The following AP3B2 variants were observed in gnomAD, a reference collection of about 807,000 sequenced individuals.
AP3B2 encodes the protein adaptor related protein complex 3 subunit beta 2, also known as AP-3 complex subunit beta-2.
A neutral mutation model predicts 126.9 loss-of-function variants in AP3B2; 50 were observed. The ratio of observed to expected loss-of-function variants is 0.39; its 90% confidence interval spans 0.31 to 0.50. AP3B2 has a LOEUF of 0.50. AP3B2 is among the 20% of genes least tolerant of loss of function. The probability of loss-of-function intolerance (pLI) is 0.79; values close to 1 mark genes in which losing one functional copy is unlikely to be tolerated. For synonymous variants in AP3B2, 541 were observed against 565.0 expected, an observed-to-expected ratio of 0.96 and a Z score of 0.60; for missense variants, 1,177 against 1,426.4, an observed-to-expected ratio of 0.83 and a Z score of 2.82.
intron 3 of AP3B2, 64 bp from the exon 4 acceptor site, chr15:82,688,895 C>T (rs1239651068): frequency 6.9e-7 from 1 of 1,439,956 alleles, no homozygotes; most frequent in East Asian, 2.4e-5. Context: ...ACCCCCCTAC[C>T]CCTGGGATGT....
At chr15:82,705,853 T>C (rs925152058) in intron 1 of AP3B2, among the ~76,000 whole-genome samples, 10 of 152,182 alleles carry the variant, frequency 6.6e-5, no homozygotes, top group African/African-American at 2.4e-4. Context: ...AACCATTATA[T>C]AAACTCACAA....
At chr15:82,683,527 TGAA>T (rs1192827640) in intron 4 of AP3B2, among the ~76,000 whole-genome samples, 1 of 152,212 alleles carries the variant, frequency 6.6e-6, no homozygotes, top group Non-Finnish European at 1.5e-5. Flanking sequence ...CTTCCTCCAC[TGAA>T]GTAGTGAACC....
chr15:82,675,135 T>TCCCTCTAACTTCTCTCTCTCC (rs1024179360), intron 14 of AP3B2, among the ~76,000 whole-genome samples: 1 of 152,150 alleles, frequency 6.6e-6, no homozygotes, highest in Non-Finnish European at 1.5e-5. Context: ...GTGCTCTTTC[T>TCCCTCTAACTTCTCTCTCTCC]CCCTCTAACT....
chr15:82,661,291 C>G (rs966301112), intron 25 of AP3B2, among the ~76,000 whole-genome samples: 1 of 152,146 alleles, frequency 6.6e-6, no homozygotes, highest in Non-Finnish European at 1.5e-5. Flanking sequence ...TACTAAATAG[C>G]TCCTCCTGAA....
In AP3B2 at chr15:82,665,574, G is replaced by T. The variant is rs892597637; in HGVS notation, c.1854C>A (p.Asp618Glu). 1 of 1,611,674 alleles carries T rather than the reference G, an allele frequency of 6.2e-7. No individual in the cohort carries two copies. Among genetic ancestry groups the T allele is most frequent in the Non-Finnish European group, 8.5e-7 (1 of 1,177,954 alleles). The change falls in exon 16 of 27, where the codon GAC becomes GAA. Residue 618 changes from aspartate to glutamate, a missense_variant and splice_region_variant. Physicochemically the swap from Asp to Glu is conservative, Grantham distance 45 (BLOSUM62 2). Coordinates refer to ENST00000535359, the MANE Select transcript of AP3B2 (RefSeq NM_001278512.2). The surrounding 1 kb of genome is among the most constrained non-coding windows in gnomAD (Gnocchi z 4.4). ...PAPVLESSFK[D>E]RDHFQLGSLS... Reference sequence around the variant, plus strand: ...GTGAGCCCAGCTGGAAGTGGTCCCGGTCTAGGGATAGGTTTAGAGGTCAGG... The same window carrying T: ...GTGAGCCCAGCTGGAAGTGGTCCCGTTCTAGGGATAGGTTTAGAGGTCAGG...
chr15:82,704,972 T>G (rs2048775036), intron 1 of AP3B2, among the ~76,000 whole-genome samples: 1 of 152,176 alleles, frequency 6.6e-6, no homozygotes, highest in African/African-American at 2.4e-5. Flanking sequence ...TTTTATGCAC[T>G]CCTTTTCAGT....
intron 1 of AP3B2, among the ~76,000 whole-genome samples, chr15:82,698,981 GC>G (rs1596196699): frequency 6.6e-6 from 1 of 152,110 alleles, no homozygotes; most frequent in Non-Finnish European, 1.5e-5. Flanking sequence ...AGGTGAGACC[GC>G]CCTGGGCCTC....
chr15:82,681,394 G>T lies in AP3B2; in HGVS notation c.521+26C>A. 2 of 1,611,670 alleles carry T rather than the reference G, an allele frequency of 1.2e-6. No homozygotes were observed. Among genetic ancestry groups the T allele is most frequent in the Non-Finnish European group, 1.7e-6 (2 of 1,178,544 alleles). The stretch of plus-strand genomic sequence containing the variant: ...AGAACTTAGGAACCAGCCTCCTGGG[G>T]AGCGTGGGACAGGGCTGGGGCATAC... On this transcript the variant is annotated intron_variant, in intron 5 of 26. Coordinates refer to ENST00000535359, the MANE Select transcript of AP3B2 (RefSeq NM_001278512.2). This position sits in a 1 kb window ranked among gnomAD's most constrained non-coding sequence, Gnocchi z 4.0.
chr15:82,704,905 C>T (rs1346723385), intron 1 of AP3B2, among the ~76,000 whole-genome samples: 3 of 151,986 alleles, frequency 2.0e-5, no homozygotes, highest in Admixed American at 2.0e-4. Flanking sequence ...GTATTGATGG[C>T]CAGGCTTCTA....
chr15:82,663,327 A>G (rs748904465), intron 21 of AP3B2, 94 bp from the exon 22 acceptor site: 2 of 1,108,078 alleles, frequency 1.8e-6, no homozygotes, highest in African/African-American at 1.5e-5. Flanking sequence ...TTTCAGCACC[A>G]TGGACAGCGG....
intron 14 of AP3B2, 120 bp from the exon 15 acceptor site, chr15:82,667,053 G>GGCAAA: frequency 9.8e-7 from 1 of 1,025,228 alleles, no homozygotes; most frequent in Non-Finnish European, 1.4e-6. Flanking sequence ...CTTAGGACCG[G>GGCAAA]CGCTTCCACC....
chr15:82,709,199 G>C (rs2048839947), intron 1 of AP3B2, among the ~76,000 whole-genome samples: 1 of 152,044 alleles, frequency 6.6e-6, no homozygotes, highest in South Asian at 2.1e-4. Flanking sequence ...GAGGCCCCAG[G>C]CTCAAGCTCA....
chr15:82,672,022 T>A (rs2048167436), intron 14 of AP3B2, among the ~76,000 whole-genome samples: 1 of 152,084 alleles, frequency 6.6e-6, no homozygotes, highest in Admixed American at 6.6e-5. Context: ...CCAGCCTGGG[T>A]GACAGTGCAA....
At chr15:82,675,254 C>T (rs1200463339) in intron 14 of AP3B2, among the ~76,000 whole-genome samples, 1 of 152,188 alleles carries the variant, frequency 6.6e-6, no homozygotes, top group Non-Finnish European at 1.5e-5. Context: ...CACCTGAAGA[C>T]CTAAGGTTTG....
intron 25 of AP3B2, among the ~76,000 whole-genome samples, 198 bp downstream of exon 25, chr15:82,661,627 C>T (rs1023493615): frequency 1.3e-5 from 2 of 152,218 alleles, no homozygotes; most frequent in African/African-American, 4.8e-5. Flanking sequence ...TATGTTTCAA[C>T]AGCCACAGTC....
chr15:82,660,028 A>G (rs760143523), intron 25 of AP3B2, 45 bp from the exon 26 acceptor site: 1 of 1,598,072 alleles, frequency 6.3e-7, no homozygotes, highest in South Asian at 1.1e-5. Flanking sequence ...TGGTGGGTAC[A>G]GAGGCCAGCA....
chr15:82,698,476 A>G (rs1313091236), intron 1 of AP3B2, among the ~76,000 whole-genome samples: 2 of 150,754 alleles, frequency 1.3e-5, no homozygotes, highest in African/African-American at 4.9e-5. Context: ...CACACACCCC[A>G]CACACGTCCC....
chr15:82,679,659 G>A, intron 10 of AP3B2, 70 bp downstream of exon 10: 1 of 1,408,028 alleles, frequency 7.1e-7, no homozygotes, highest in South Asian at 1.2e-5. Flanking sequence ...GGGGGCCACT[G>A]TGAGTTATTT....
chr15:82,688,421 G>A (rs1436847469), intron 4 of AP3B2: 2 of 702,082 alleles, frequency 2.8e-6, no homozygotes, highest in Non-Finnish European at 5.2e-6. Context: ...AGGGTTGAGG[G>A]GTTCTCCATT....
Sources: allele counts gnomAD v4.1 joint callset (sites outside exome capture counted in the v4.1 genomes callset), GRCh38; gene constraint gnomAD v4.1.1; non-coding constraint Gnocchi (gnomAD v3.1); transcripts MANE v1.5; gene names NCBI Gene and HGNC (gene_info 2026-07-23, HGNC 2026-07-21).